The following KPNA4 variants were observed in gnomAD, a reference collection of about 807,000 sequenced individuals.
KPNA4 encodes karyopherin subunit alpha 4.
KPNA4 carries 13 observed loss-of-function variants against 71.3 expected under a neutral mutation model. The ratio of observed to expected loss-of-function variants is 0.18; its 90% CI spans 0.12 to 0.29. The LOEUF (loss-of-function observed/expected upper bound fraction) is 0.29, where lower values mean the gene tolerates loss of function less well. Ranked by LOEUF, KPNA4 falls within the 10% of genes least tolerant of loss-of-function variation. The pLI, the probability that KPNA4 is intolerant of heterozygous loss-of-function variation, is 1.00. For synonymous variants in KPNA4, 189 were observed against 195.2 expected, an observed-to-expected ratio of 0.97 and a Z score of 0.26; for missense variants, 334 against 603.2, an observed-to-expected ratio of 0.55 and a Z score of 4.67.
intron 13 of KPNA4, among the ~76,000 whole-genome samples, chr3:160,513,349 G>A (rs1010499580): frequency 3.6e-5 from 5 of 137,516 alleles, no homozygotes; most frequent in South Asian, 2.5e-4. Context: ...TCAACCTCCC[G>A]GATTCAAATG....
Position 160,498,704 on chromosome 3 carries a change from G to A in KPNA4, c.*3400C>T, listed in dbSNP as rs1408780792. On this transcript the variant is annotated 3_prime_UTR_variant, in exon 17 of 17. Coordinates refer to ENST00000334256, the MANE Select transcript of KPNA4 (RefSeq NM_002268.5). ...CTTCAGTTGCTAGGCAATGGATTTT[G>A]CCATATGTGCATAAAAGAGGACCCC... is the stretch of plus-strand genomic sequence containing the variant. 6.6e-6 allele frequency: 1 copy of A among 152,184 alleles called. No homozygotes were observed. The highest frequency in any genetic ancestry group is 2.4e-5 in the African/African-American group (1 of 41,432). The allele number at this position is 152,184 out of a possible 1,614,324, so 9.4% of individuals were successfully genotyped here. A position where few individuals can be genotyped will look rare whatever the true frequency, so the allele number is the denominator to read the frequency against.
intron 1 of KPNA4, among the ~76,000 whole-genome samples, chr3:160,540,247 C>A (rs9857327): frequency 0.04 from 6,119 of 152,160 alleles, 222 homozygotes; most frequent in Middle Eastern, 0.099. Context: ...GATCCACCCG[C>A]CTCGGCCTCC....
chr3:160,515,647 C>T (rs561303211), intron 11 of KPNA4, 67 bp from the exon 12 acceptor site: 28 of 1,557,024 alleles, frequency 1.8e-5, no homozygotes, highest in Non-Finnish European at 1.8e-5. Flanking sequence ...CAAGGTCTTG[C>T]TCTGTCGCCC....
chr3:160,514,669 C>T (rs1325236965), intron 12 of KPNA4, among the ~76,000 whole-genome samples: 1 of 152,112 alleles, frequency 6.6e-6, no homozygotes, highest in Non-Finnish European at 1.5e-5. Context: ...AAACAAAGTG[C>T]ATTGTTTTAG....
chr3:160,515,265 T>A, intron 12 of KPNA4, 187 bp downstream of exon 12: 1 of 656,032 alleles, frequency 1.5e-6, no homozygotes, highest in Non-Finnish European at 2.7e-6. Flanking sequence ...TTTTCATAAC[T>A]GGTTTTATGT....
Position 160,530,955 on chromosome 3 carries a change from AAGTATTTTTAAAC to A in KPNA4, c.384-28_384-16del. On this transcript the variant is annotated splice_polypyrimidine_tract_variant and intron_variant, in intron 6 of 16. Transcript: ENST00000334256. ...GTAAAGAAGGACTACAAAAAAAAAC[AAGTATTTTTAAAC>A]AGCAGGGATTTTTACATTGGGCCAA... 1 of 1,570,224 alleles carries A rather than the reference AAGTATTTTTAAAC, an allele frequency of 6.4e-7. No homozygotes were observed. The highest frequency in any genetic ancestry group is 8.7e-7 in the Non-Finnish European group (1 of 1,148,728).
intron 13 of KPNA4, among the ~76,000 whole-genome samples, chr3:160,511,729 T>TATATAA (rs556651397): frequency 0.014 from 2,100 of 149,652 alleles, 19 homozygotes; most frequent in Middle Eastern, 0.021. Context: ...TATATATATA[T>TATATAA]AAATATATTT....
Position 160,505,051 on chromosome 3 carries a change from C to T in KPNA4, c.1374G>A (p.Gly458=), listed in dbSNP as rs1356794400. ...TTTGAAGTTGTTCAATTTTCTCCAG[C>T]CCTGCAAGAAATTTTGCAATGTGAA... The part of the protein sequence containing the change: ...TIGNLIEECG[G]LEKIEQLQNH... The change falls in exon 16 of 17, where the codon GGG becomes GGA. Residue 458 remains glycine (G), a splice_region_variant and synonymous_variant. Transcript: ENST00000334256. 1 of 1,510,364 alleles carries T rather than the reference C, an allele frequency of 6.6e-7. No individual in the cohort carries two copies. The highest frequency in any genetic ancestry group is 2.0e-5 in the Admixed American group (1 of 49,466). The allele number at this position is 1,510,364 out of a possible 1,614,324, so 93.6% of individuals were successfully genotyped here.
intron 1 of KPNA4, among the ~76,000 whole-genome samples, chr3:160,538,192 T>C (rs1381668505): frequency 6.6e-6 from 1 of 150,968 alleles, no homozygotes; most frequent in Admixed American, 6.6e-5. Flanking sequence ...TATATACATA[T>C]TTAGTTACAA....
intron 1 of KPNA4, 134 bp from the exon 2 acceptor site, chr3:160,536,974 T>A: frequency 2.2e-6 from 1 of 451,296 alleles, no homozygotes; most frequent in South Asian, 5.2e-5. Context: ...CAAATCTTAC[T>A]CATAATAAAA....
intron 5 of KPNA4, among the ~76,000 whole-genome samples, chr3:160,532,114 A>G (rs1472934444): frequency 6.6e-6 from 1 of 152,230 alleles, no homozygotes; most frequent in Non-Finnish European, 1.5e-5. Context: ...TTAATGGTAC[A>G]ACATTATTAT....
intron 13 of KPNA4, among the ~76,000 whole-genome samples, chr3:160,513,249 G>GTTTTT (rs946090860): frequency 1.0e-3 from 83 of 80,644 alleles, no homozygotes; most frequent in South Asian, 1.9e-3. Flanking sequence ...CTACTTTGTG[G>GTTTTT]TTTTTTTTTT....
At chr3:160,540,376 T>C (rs1415562422) in intron 1 of KPNA4, among the ~76,000 whole-genome samples, 5 of 152,184 alleles carry the variant, frequency 3.3e-5, no homozygotes, top group Non-Finnish European at 7.3e-5. Context: ...AAACTACTAA[T>C]AAAGCATTTA....
chr3:160,538,191 A>G (rs1240443199), intron 1 of KPNA4, among the ~76,000 whole-genome samples: 1 of 151,018 alleles, frequency 6.6e-6, no homozygotes, highest in Non-Finnish European at 1.5e-5. Flanking sequence ...ATATATACAT[A>G]TTTAGTTACA....
At chr3:160,522,632 C>T (rs963980498) in intron 10 of KPNA4, among the ~76,000 whole-genome samples, 6 of 152,104 alleles carry the variant, frequency 3.9e-5, no homozygotes, top group African/African-American at 1.4e-4. Flanking sequence ...TAAGTTTTGG[C>T]ATTTTTCAGT....
intron 1 of KPNA4, among the ~76,000 whole-genome samples, chr3:160,538,157 A>ATG (rs1415440208): frequency 1.5e-4 from 23 of 150,172 alleles, no homozygotes; most frequent in Non-Finnish European, 3.1e-4. Flanking sequence ...ATATATATGT[A>ATG]TATATGTGTG....
In KPNA4 at chr3:160,559,492, T is replaced by A. The variant is rs554657711; in HGVS notation, c.69+5722A>T. On this transcript the variant is annotated intron_variant, in intron 1 of 16. Coordinates refer to ENST00000334256, the MANE Select transcript of KPNA4 (RefSeq NM_002268.5). The stretch of plus-strand genomic sequence containing the variant: ...TTTCCAAATAATCCAATGCATGGTA[T>A]TACAAAAAGCATCAGTAAAAGATGG... Among the ~76,000 whole-genome samples the A allele has an allele frequency of 4.6e-5, 7 of 152,278 alleles. No homozygotes were observed. The South Asian group carries it at 1.5e-3, about 32-fold the overall frequency.
At chr3:160,505,126 C>A in intron 15 of KPNA4, 74 bp from the exon 16 acceptor site, 4 of 723,772 alleles carry the variant, frequency 5.5e-6, no homozygotes, top group Admixed American at 3.5e-5. Context: ...ATCTTTGGAA[C>A]ACATAATCCA....
chr3:160,515,666 G>C (rs1325019392), intron 11 of KPNA4, 86 bp from the exon 12 acceptor site: 8 of 1,438,438 alleles, frequency 5.6e-6, no homozygotes, highest in Non-Finnish European at 7.6e-6. Flanking sequence ...CCAGGGTAGA[G>C]TGCAGTGGTG....
Sources: allele counts gnomAD v4.1 joint callset (sites outside exome capture counted in the v4.1 genomes callset), GRCh38; gene constraint gnomAD v4.1.1; transcripts MANE v1.5; gene names NCBI Gene and HGNC (gene_info 2026-07-23, HGNC 2026-07-21).